Variants in CNTN4 observed in about 807,000 individuals in gnomAD.
CNTN4 encodes contactin 4.
A neutral mutation model predicts 122.5 loss-of-function variants in CNTN4; 77 were observed. The ratio of observed to expected loss-of-function variants is 0.63; its 90% CI spans 0.52 to 0.76. The LOEUF (loss-of-function observed/expected upper bound fraction) is 0.76. Among genes scored for constraint, CNTN4 ranks in the 30% least tolerant of loss-of-function variants. CNTN4 has a pLI of 0.00. For missense variants in CNTN4, 1,256 were observed against 1,259.1 expected, an observed-to-expected ratio of 1.00 and a Z score of 0.04; for synonymous variants, 512 against 447.0, an observed-to-expected ratio of 1.15 and a Z score of -1.83.
intron 4 of CNTN4, among the ~76,000 whole-genome samples, chr3:2,733,532 GT>G (rs1201306391): frequency 8.5e-4 from 103 of 120,512 alleles, no homozygotes; most frequent in African/African-American, 1.2e-3. Flanking sequence ...GCATGTTTGT[GT>G]TTTTTTTTTT....
intron 3 of CNTN4, among the ~76,000 whole-genome samples, chr3:2,513,284 G>A (rs1343578698): frequency 6.6e-6 from 1 of 152,156 alleles, no homozygotes; most frequent in Non-Finnish European, 1.5e-5. Context: ...ATGATTCCTG[G>A]TGAACCCTTA....
At chr3:2,391,746 A>G (rs2046448373) in intron 3 of CNTN4, among the ~76,000 whole-genome samples, 1 of 150,010 alleles carries the variant, frequency 6.7e-6, no homozygotes, top group Admixed American at 6.7e-5. Flanking sequence ...CTGAGCTCAG[A>G]GCTGCTTCTC....
chr3:2,325,948 A>C (rs2043439307), intron 2 of CNTN4, among the ~76,000 whole-genome samples: 1 of 152,226 alleles, frequency 6.6e-6, no homozygotes, highest in African/African-American at 2.4e-5. Context: ...GAAAATTATA[A>C]CTTGATACAG....
At chr3:2,217,726 A>C (rs1215154156) in intron 2 of CNTN4, among the ~76,000 whole-genome samples, 1 of 152,188 alleles carries the variant, frequency 6.6e-6, no homozygotes, top group African/African-American at 2.4e-5. Flanking sequence ...TTTCTGAAGT[A>C]ATATGTGTTC....
chr3:2,895,429 G>A (rs1185349941), intron 10 of CNTN4, among the ~76,000 whole-genome samples: 2 of 152,146 alleles, frequency 1.3e-5, no homozygotes, highest in Admixed American at 1.3e-4. Flanking sequence ...TTTGCTTTAT[G>A]TATTCATGAA....
intron 4 of CNTN4, among the ~76,000 whole-genome samples, chr3:2,572,121 C>A (rs1160879687): frequency 6.6e-6 from 1 of 152,216 alleles, no homozygotes; most frequent in Non-Finnish European, 1.5e-5. Context: ...GGCGCAGTGG[C>A]TCACACCATT....
intron 2 of CNTN4, among the ~76,000 whole-genome samples, chr3:2,259,314 ATGAC>A (rs1279270846): frequency 6.6e-6 from 1 of 152,344 alleles, no homozygotes; most frequent in East Asian, 1.9e-4. Context: ...ATTTTGGACA[ATGAC>A]TGATGTTTTA....
At chr3:2,770,283 C>G (rs935223880) in intron 6 of CNTN4, among the ~76,000 whole-genome samples, 20 of 152,196 alleles carry the variant, frequency 1.3e-4, no homozygotes, top group African/African-American at 4.8e-4. Flanking sequence ...CTGCCTCAGC[C>G]TCCCAAAGTG....
At chr3:2,424,356 G>C (rs988303180) in intron 3 of CNTN4, among the ~76,000 whole-genome samples, 9 of 151,826 alleles carry the variant, frequency 5.9e-5, no homozygotes, top group African/African-American at 2.2e-4. Flanking sequence ...GACAATGATG[G>C]TTTCCAGCTT....
At chr3:2,377,024 A>T (rs1343484427) in intron 3 of CNTN4, among the ~76,000 whole-genome samples, 4 of 152,052 alleles carry the variant, frequency 2.6e-5, no homozygotes, top group Admixed American at 2.6e-4. Context: ...GGCATAGTGG[A>T]GCACACCTGT....
At chr3:2,248,017 C>G (rs556114531) in intron 2 of CNTN4, among the ~76,000 whole-genome samples, 1 of 151,892 alleles carries the variant, frequency 6.6e-6, no homozygotes, top group Admixed American at 6.6e-5. Context: ...TGGCATTTAT[C>G]ACCACCTGAC....
chr3:2,506,767 T>C (rs936943589), intron 3 of CNTN4, among the ~76,000 whole-genome samples: 2 of 152,048 alleles, frequency 1.3e-5, no homozygotes, highest in African/African-American at 4.8e-5. Flanking sequence ...TACATGGAGC[T>C]CACTTTGCCT....
At chr3:2,994,559 GA>G (rs1695346774) in intron 14 of CNTN4, among the ~76,000 whole-genome samples, 1 of 148,960 alleles carries the variant, frequency 6.7e-6, no homozygotes. Context: ...TCACCCCATA[GA>G]AAGTTTATTT....
rs535562148 is a variant in CNTN4, at chr3:2,763,166, C to T, written c.358+17469C>T. 1.1e-4 allele frequency among the ~76,000 whole-genome samples: 16 copies of T among 152,136 alleles called. No individual in the cohort carries two copies. In the East Asian group the frequency reaches 2.5e-3, roughly 24 times the overall value. The stretch of plus-strand genomic sequence containing the variant: ...TTCACCATGTTAGCCAGGATGGTTT[C>T]GATCTCCTGACCTCGTGATCCGCCC... On this transcript the variant is annotated intron_variant, in intron 6 of 24. Transcript: ENST00000418658.
intron 2 of CNTN4, among the ~76,000 whole-genome samples, chr3:2,193,990 A>G (rs938678748): frequency 9.8e-5 from 15 of 152,290 alleles, no homozygotes; most frequent in Admixed American, 8.5e-4. Context: ...ACATTTCTCA[A>G]AACACATCCT....
At chr3:2,975,337 G>T (rs974540022) in intron 13 of CNTN4, among the ~76,000 whole-genome samples, 1 of 152,118 alleles carries the variant, frequency 6.6e-6, no homozygotes, top group Non-Finnish European at 1.5e-5. Flanking sequence ...GGTAGGAAGG[G>T]TACAGGCTCT....
intron 12 of CNTN4, among the ~76,000 whole-genome samples, chr3:2,910,146 T>A (rs1204728207): frequency 6.6e-6 from 1 of 152,208 alleles, no homozygotes; most frequent in Non-Finnish European, 1.5e-5. Context: ...AGGCTTGAGC[T>A]AAAGTGCTGC....
At chr3:2,146,681 A>T (rs1394031733) in intron 2 of CNTN4, among the ~76,000 whole-genome samples, 3 of 152,132 alleles carry the variant, frequency 2.0e-5, no homozygotes, top group Admixed American at 1.3e-4. Flanking sequence ...TGTGGTGGGA[A>T]AGAAAGATGA....
At chr3:2,390,868 A>G (rs2046417479) in intron 3 of CNTN4, among the ~76,000 whole-genome samples, 2 of 152,212 alleles carry the variant, frequency 1.3e-5, no homozygotes, top group Non-Finnish European at 2.9e-5. Flanking sequence ...CAAACCTTCA[A>G]TTGAATGTCT....
Sources: allele counts gnomAD v4.1 joint callset (sites outside exome capture counted in the v4.1 genomes callset), GRCh38; gene constraint gnomAD v4.1.1; transcripts MANE v1.5; gene names NCBI Gene and HGNC (gene_info 2026-07-23, HGNC 2026-07-21).